The following PCDH7 variants were observed in gnomAD, a reference collection of about 807,000 sequenced individuals.
PCDH7 encodes protocadherin-7.
PCDH7 carries 17 observed loss-of-function variants against 58.9 expected under a neutral mutation model. The ratio of observed to expected loss-of-function variants is 0.29; its 90% CI spans 0.20 to 0.43. The LOEUF (loss-of-function observed/expected upper bound fraction) is 0.43, where lower values mean the gene tolerates loss of function less well. PCDH7 is among the 20% of genes least tolerant of loss of function. The pLI, the probability that PCDH7 is intolerant of heterozygous loss-of-function variation, is 1.00. For synonymous variants in PCDH7, 664 were observed against 616.4 expected, an observed-to-expected ratio of 1.08 and a Z score of -1.14; for missense variants, 1,274 against 1,441.0, an observed-to-expected ratio of 0.88 and a Z score of 1.88.
At chr4:30,856,710 A>G (rs1242937332) in intron 1 of PCDH7, among the ~76,000 whole-genome samples, 6 of 141,620 alleles carry the variant, frequency 4.2e-5, no homozygotes, top group Non-Finnish European at 9.0e-5. Context: ...AAAAAAAAAT[A>G]TATATATATA....
chr4:31,080,593 A>G (rs1171269004), intron 3 of PCDH7, among the ~76,000 whole-genome samples: 1 of 152,180 alleles, frequency 6.6e-6, no homozygotes, highest in Non-Finnish European at 1.5e-5. Flanking sequence ...ATCGTTCTTT[A>G]GAAAAAAAAG....
intron 2 of PCDH7, among the ~76,000 whole-genome samples, chr4:30,947,306 C>CA (rs1746820285): frequency 6.6e-6 from 1 of 152,076 alleles, no homozygotes; most frequent in African/African-American, 2.4e-5. Flanking sequence ...AAACTTATTA[C>CA]AAACTCTTTA....
rs1167498562 is a variant in PCDH7, at chr4:30,744,447, TG to T, written c.70+19854del. 5.3e-5 allele frequency among the ~76,000 whole-genome samples: 8 copies of T among 152,206 alleles called. No homozygotes were observed. The East Asian group carries it at 1.5e-3, about 29-fold the overall frequency. On this transcript the variant is annotated intron_variant, in intron 1 of 3. Transcript: ENST00000509759. ...ATGTAACCATGATTTACATGTCCAATGGGTGTTGTTCATTCATTTATTTAAC... is the reference window on the plus strand; with the variant it reads ...ATGTAACCATGATTTACATGTCCAATGGTGTTGTTCATTCATTTATTTAAC...
At chr4:30,766,094 C>T (rs773762583) in intron 1 of PCDH7, among the ~76,000 whole-genome samples, 18 of 134,772 alleles carry the variant, frequency 1.3e-4, no homozygotes, top group Middle Eastern at 7.1e-3. Flanking sequence ...CCAGACAGAT[C>T]TCTCCCATTA....
At chr4:30,739,126 TTATATATAAAAATATATA>T (rs1486270259) in intron 1 of PCDH7, among the ~76,000 whole-genome samples, 1 of 146,598 alleles carries the variant, frequency 6.8e-6, no homozygotes, top group East Asian at 2.1e-4. Context: ...TATATATATT[TTATATATAAAAATATATA>T]TATTTTATAT....
intron 3 of PCDH7, among the ~76,000 whole-genome samples, chr4:30,975,280 T>A (rs1470890395): frequency 6.6e-6 from 1 of 152,028 alleles, no homozygotes; most frequent in Non-Finnish European, 1.5e-5. Context: ...TAGTTTGTTT[T>A]ATGAAAAGCC....
intron 3 of PCDH7, among the ~76,000 whole-genome samples, chr4:31,098,175 C>T (rs986989968): frequency 2.0e-5 from 3 of 152,212 alleles, no homozygotes; most frequent in Non-Finnish European, 2.9e-5. Flanking sequence ...TCACTGCCCA[C>T]ATGGGCAGGC....
intron 3 of PCDH7, among the ~76,000 whole-genome samples, chr4:31,041,576 C>G (rs548276735): frequency 6.6e-6 from 1 of 151,788 alleles, no homozygotes; most frequent in Non-Finnish European, 1.5e-5. Context: ...GTTAAAGTTA[C>G]CCCCCACCCC....
intron 1 of PCDH7, among the ~76,000 whole-genome samples, chr4:30,908,390 G>A (rs545028129): frequency 8.5e-4 from 129 of 152,212 alleles, no homozygotes; most frequent in African/African-American, 3.1e-3. Context: ...AGATTAATTA[G>A]AGAATGTACA....
At chr4:31,055,023 T>G (rs561227984) in intron 3 of PCDH7, among the ~76,000 whole-genome samples, 1 of 152,248 alleles carries the variant, frequency 6.6e-6, no homozygotes, top group African/African-American at 2.4e-5. Context: ...CCTCTAAGGG[T>G]TTTGCTCCTA....
chr4:30,955,136 T>C (rs76948216), intron 3 of PCDH7, among the ~76,000 whole-genome samples: 156 of 152,214 alleles, frequency 1.0e-3, no homozygotes, highest in African/African-American at 3.6e-3. Flanking sequence ...TTGTTTGAGG[T>C]ATACACAGAT....
At chr4:30,817,955 A>G (rs1350991269) in intron 1 of PCDH7, among the ~76,000 whole-genome samples, 1 of 152,156 alleles carries the variant, frequency 6.6e-6, no homozygotes, top group Non-Finnish European at 1.5e-5. Context: ...AAGGTCCTAC[A>G]GGACCTGGTT....
intron 3 of PCDH7, among the ~76,000 whole-genome samples, chr4:31,058,479 T>G (rs2109233958): frequency 6.6e-6 from 1 of 152,212 alleles, no homozygotes; most frequent in Admixed American, 6.5e-5. Flanking sequence ...AGTATGATCC[T>G]TAAGATCATT....
chr4:31,058,172 T>A (rs1757407508), intron 3 of PCDH7, among the ~76,000 whole-genome samples: 3 of 149,994 alleles, frequency 2.0e-5, no homozygotes, highest in Non-Finnish European at 4.4e-5. Flanking sequence ...ATAAAATAAA[T>A]CCCTCAACAA....
intron 3 of PCDH7, among the ~76,000 whole-genome samples, chr4:31,096,946 G>A (rs1420786286): frequency 1.3e-5 from 2 of 151,510 alleles, no homozygotes; most frequent in African/African-American, 4.9e-5. Flanking sequence ...AAGATTTTCT[G>A]TCAGTGTGTG....
chr4:30,894,516 T>TACACACAC (rs55942705), intron 1 of PCDH7, among the ~76,000 whole-genome samples: 2 of 32,206 alleles, frequency 6.2e-5, no homozygotes, highest in Non-Finnish European at 1.0e-4. Flanking sequence ...TATATATATA[T>TACACACAC]ACACACACAC....
At chr4:30,774,980 T>A (rs1368451975) in intron 1 of PCDH7, among the ~76,000 whole-genome samples, 1 of 152,232 alleles carries the variant, frequency 6.6e-6, no homozygotes, top group Non-Finnish European at 1.5e-5. Flanking sequence ...CAGCTTTGAC[T>A]CCTTCTTTAT....
intron 2 of PCDH7, among the ~76,000 whole-genome samples, chr4:30,940,726 T>C (rs1025777441): frequency 1.3e-5 from 2 of 152,016 alleles, no homozygotes; most frequent in Non-Finnish European, 2.9e-5. Flanking sequence ...TTACGTATAA[T>C]AGCAGGCTCT....
chr4:31,056,733 A>G (rs1418702794), intron 3 of PCDH7, among the ~76,000 whole-genome samples: 2 of 149,936 alleles, frequency 1.3e-5, no homozygotes, highest in Non-Finnish European at 3.0e-5. Flanking sequence ...AAAGAAAGAG[A>G]AACGAAAGCA....
Sources: allele counts gnomAD v4.1 joint callset (sites outside exome capture counted in the v4.1 genomes callset), GRCh38; gene constraint gnomAD v4.1.1; transcripts MANE v1.5; gene names NCBI Gene and HGNC (gene_info 2026-07-23, HGNC 2026-07-21).